MAST4: variants seen among roughly 807,000 people sequenced by gnomAD.
MAST4 encodes the protein microtubule-associated serine/threonine-protein kinase 4.
In MAST4, 89 loss-of-function variants were observed where a neutral mutation model predicts 162.7. The observed-to-expected ratio is 0.55, with a 90% CI of 0.46 to 0.65. The LOEUF (loss-of-function observed/expected upper bound fraction) is 0.65, where lower values mean the gene tolerates loss of function less well. MAST4 is among the 30% of genes least tolerant of loss of function. The pLI is 0.00. For missense variants in MAST4, 3,153 were observed against 3,374.0 expected, an observed-to-expected ratio of 0.93 and a Z score of 1.62; for synonymous variants, 1,479 against 1,361.1, an observed-to-expected ratio of 1.09 and a Z score of -1.91.
chr5:66,836,114 T>G (rs1351357067), intron 3 of MAST4, among the ~76,000 whole-genome samples: 2 of 151,832 alleles, frequency 1.3e-5, no homozygotes, highest in Non-Finnish European at 2.9e-5. Context: ...GAAGCTGCAG[T>G]GAGCTGTGTT....
Position 67,165,727 on chromosome 5 carries a change from T to C in MAST4, c.6548T>C (p.Val2183Ala). 2 of 1,577,454 alleles carry C rather than the reference T, an allele frequency of 1.3e-6. No individual in the cohort carries two copies. Among genetic ancestry groups the C allele is most frequent in the Non-Finnish European group, 1.7e-6 (2 of 1,162,710 alleles). Residue 2183 changes from valine (V) to alanine (A), a missense_variant, in exon 29 of 29, where the codon GTT becomes GCT. Coordinates refer to ENST00000403625, the MANE Select transcript of MAST4 (RefSeq NM_001164664.2). ...AGCCCCCAGGACCCTCCCAAGCCTG[T>C]TGCTGCGCACAGTGAAAGCAGCAGC... ...SSSPQDPPKP[V>A]AAHSESSSHK...
intron 3 of MAST4, among the ~76,000 whole-genome samples, chr5:66,827,105 CTCTCT>C (rs756024647): frequency 5.3e-5 from 8 of 152,218 alleles, no homozygotes; most frequent in Non-Finnish European, 1.2e-4. Flanking sequence ...GCCCTTTCTC[CTCTCT>C]TAAGTGGCTT....
intron 1 of MAST4, among the ~76,000 whole-genome samples, chr5:66,654,979 G>A (rs1387340453): frequency 6.6e-6 from 1 of 151,982 alleles, no homozygotes; most frequent in South Asian, 2.1e-4. Context: ...AATTATATTT[G>A]TTTCAATATT....
chr5:67,110,589 G>A (rs976777131), intron 11 of MAST4, among the ~76,000 whole-genome samples: 5 of 152,224 alleles, frequency 3.3e-5, no homozygotes, highest in African/African-American at 1.2e-4. Context: ...ATAGTGACCT[G>A]TGATTTATAA....
intron 5 of MAST4, among the ~76,000 whole-genome samples, chr5:67,074,432 G>C (rs182626643): frequency 6.6e-6 from 1 of 152,150 alleles, no homozygotes; most frequent in Admixed American, 6.5e-5. Context: ...ACTATTATTT[G>C]CATTTTATGA....
At chr5:66,871,344 T>C (rs1760918338) in intron 3 of MAST4, among the ~76,000 whole-genome samples, 1 of 152,242 alleles carries the variant, frequency 6.6e-6, no homozygotes. Flanking sequence ...ATATTTTTAA[T>C]TCACAGTAAT....
chr5:67,067,583 G>A (rs980285164), intron 5 of MAST4, among the ~76,000 whole-genome samples: 1 of 152,174 alleles, frequency 6.6e-6, no homozygotes, highest in Non-Finnish European at 1.5e-5. Context: ...TTATTGACAA[G>A]GCATGTGTCA....
intron 4 of MAST4, among the ~76,000 whole-genome samples, chr5:66,970,766 C>T (rs373483123): frequency 6.6e-6 from 1 of 152,324 alleles, no homozygotes; most frequent in African/African-American, 2.4e-5. Flanking sequence ...TAGTGCTGCA[C>T]GTATGTTAAC....
At position 67,167,084 on chromosome 5, in the gene MAST4, C is replaced by T. The variant is rs146025311; in HGVS notation, c.*33C>T. ...GGCCCAGGGGCAGGACTGTGGAGAC[C>T]CGTCCTGAACGGGCGACTGTGTCTT... On this transcript the variant is annotated 3_prime_UTR_variant, in exon 29 of 29. Coordinates refer to ENST00000403625, the MANE Select transcript of MAST4 (RefSeq NM_001164664.2). 1 of 1,510,194 alleles carries T rather than the reference C, an allele frequency of 6.6e-7. No individual in the cohort carries two copies. Among genetic ancestry groups the T allele is most frequent in the Non-Finnish European group, 8.9e-7 (1 of 1,127,850 alleles). 93.5% of individuals were successfully genotyped at this position (1,510,194 alleles called of 1,614,324 possible). A position where few individuals can be genotyped will look rare whatever the true frequency, so the allele number is the denominator to read the frequency against.
At chr5:66,660,993 T>C (rs1746870836) in intron 1 of MAST4, among the ~76,000 whole-genome samples, 1 of 152,218 alleles carries the variant, frequency 6.6e-6, no homozygotes, top group Non-Finnish European at 1.5e-5. Flanking sequence ...AAAAATCACA[T>C]GTTAGCATGT....
chr5:66,993,780 G>A (rs147692401), intron 4 of MAST4, among the ~76,000 whole-genome samples: 1 of 152,302 alleles, frequency 6.6e-6, no homozygotes, highest in African/African-American at 2.4e-5. Flanking sequence ...AGGGATTATA[G>A]CATAAAATAT....
rs1458385264 is a variant in MAST4 at position 67,125,775 on chromosome 5, G to A, written c.1746-4435G>A. Among the ~76,000 whole-genome samples the A allele has an allele frequency of 2.6e-5, 4 of 152,062 alleles. No homozygotes were observed. In the South Asian group the frequency reaches 8.3e-4, roughly 32 times the overall value. On this transcript the variant is annotated intron_variant, in intron 14 of 28. Transcript: ENST00000403625. ...TCCTTTGAGTATATACCCAGTAAGG[G>A]GATTGCTGGGTCAAATGGTGTTTCT...
intron 15 of MAST4, 99 bp downstream of exon 15, chr5:67,130,517 A>C (rs894821243): frequency 8.4e-7 from 1 of 1,194,772 alleles, no homozygotes; most frequent in African/African-American, 1.5e-5. Flanking sequence ...GGCTGTATCC[A>C]CCTAGGAACT....
intron 5 of MAST4, among the ~76,000 whole-genome samples, chr5:67,064,217 G>A (rs1759965170): frequency 6.6e-6 from 1 of 152,068 alleles, no homozygotes; most frequent in Non-Finnish European, 1.5e-5. Flanking sequence ...GTCCTGAGAG[G>A]ACACATGGCC....
intron 2 of MAST4, among the ~76,000 whole-genome samples, chr5:66,763,700 T>G (rs1300083094): frequency 6.6e-6 from 1 of 152,234 alleles, no homozygotes; most frequent in Non-Finnish European, 1.5e-5. Flanking sequence ...TACCTAAGAC[T>G]TACTGTATTT....
intron 10 of MAST4, among the ~76,000 whole-genome samples, chr5:67,106,254 A>G (rs763069870): frequency 3.3e-4 from 50 of 151,968 alleles, no homozygotes; most frequent in Non-Finnish European, 6.6e-4. Context: ...CTTACCTCAG[A>G]CCAGTAGTCA....
At chr5:66,687,483 C>CAT (rs1748739663) in intron 1 of MAST4, among the ~76,000 whole-genome samples, 1 of 149,796 alleles carries the variant, frequency 6.7e-6, no homozygotes, top group African/African-American at 2.5e-5. Context: ...TATATGTATA[C>CAT]ATACATATAT....
chr5:66,663,921 G>T (rs35468090), intron 1 of MAST4, among the ~76,000 whole-genome samples: 1 of 152,108 alleles, frequency 6.6e-6, no homozygotes, highest in African/African-American at 2.4e-5. Context: ...GTGATACCCA[G>T]GAGTGGGGAT....
chr5:67,099,359 C>T (rs76406887), intron 7 of MAST4, among the ~76,000 whole-genome samples: 2 of 151,758 alleles, frequency 1.3e-5, no homozygotes, highest in Non-Finnish European at 2.9e-5. Context: ...AAAAATTCCT[C>T]TTTGTCTCAA....
Sources: allele counts gnomAD v4.1 joint callset (sites outside exome capture counted in the v4.1 genomes callset), GRCh38; gene constraint gnomAD v4.1.1; transcripts MANE v1.5; gene names NCBI Gene and HGNC (gene_info 2026-07-23, HGNC 2026-07-21).